The following NRG1 variants were observed in gnomAD, a reference collection of about 807,000 sequenced individuals.
NRG1 encodes pro-neuregulin-1, membrane-bound isoform.
A neutral mutation model predicts 63.8 loss-of-function variants in NRG1; 18 were observed. That is an observed-to-expected ratio of 0.28 (90% CI 0.19 to 0.42). The LOEUF is 0.42. Ranked by LOEUF, NRG1 falls within the 10% of genes least tolerant of loss-of-function variation. The probability of loss-of-function intolerance (pLI) is 1.00; values close to 1 mark genes in which losing one functional copy is unlikely to be tolerated. For missense variants in NRG1, 762 were observed against 814.7 expected (o/e 0.94, Z 0.79); for synonymous variants, 302 against 301.3 (o/e 1.00, Z -0.02).
At chr8:32,274,282 C>T (rs1481758) in intron 1 of NRG1, among the ~76,000 whole-genome samples, 29,567 of 152,120 alleles carry the variant, frequency 0.19, 3,607 homozygotes, top group East Asian at 0.57. Flanking sequence ...CCATTCAAAA[C>T]AATGCACGTG....
At chr8:32,416,949 G>A (rs1408521674) in intron 1 of NRG1, among the ~76,000 whole-genome samples, 1 of 152,198 alleles carries the variant, frequency 6.6e-6, no homozygotes, top group African/African-American at 2.4e-5. Flanking sequence ...GCCTCCCAAA[G>A]TGCTGAGATA....
intron 1 of NRG1, among the ~76,000 whole-genome samples, chr8:31,871,499 A>G (rs1361345309): frequency 2.0e-5 from 3 of 151,982 alleles, no homozygotes; most frequent in Admixed American, 1.3e-4. Context: ...GTGTTCTCTA[A>G]TTCCAGGGGT....
intron 5 of NRG1, among the ~76,000 whole-genome samples, chr8:32,634,869 T>G (rs1167387690): frequency 1.3e-5 from 2 of 152,240 alleles, no homozygotes; most frequent in Admixed American, 6.5e-5. Flanking sequence ...TCAGATGGTT[T>G]GAATCTTTGC....
intron 1 of NRG1, among the ~76,000 whole-genome samples, chr8:32,168,851 G>C (rs1276320716): frequency 6.6e-6 from 1 of 152,058 alleles, no homozygotes; most frequent in Non-Finnish European, 1.5e-5. Flanking sequence ...CATTGTAAAT[G>C]TCCTTATTTA....
chr8:31,967,983 G>A (rs994008343), intron 1 of NRG1, among the ~76,000 whole-genome samples: 6 of 152,252 alleles, frequency 3.9e-5, no homozygotes, highest in Admixed American at 2.6e-4. Flanking sequence ...TTTAATTTTA[G>A]TTGTTTCAAG....
At chr8:32,160,869 T>A (rs1692332145) in intron 1 of NRG1, among the ~76,000 whole-genome samples, 1 of 152,206 alleles carries the variant, frequency 6.6e-6, no homozygotes, top group African/African-American at 2.4e-5. Context: ...TTTCCTCTGG[T>A]AAGTGATTTC....
intron 1 of NRG1, among the ~76,000 whole-genome samples, chr8:31,901,967 T>G (rs41400247): frequency 0.022 from 3,318 of 152,256 alleles, 105 homozygotes; most frequent in African/African-American, 0.074. Flanking sequence ...TTCAACTTCG[T>G]GTAAAGTCTT....
At chr8:32,667,649 G>GA (rs1450764389) in intron 5 of NRG1, among the ~76,000 whole-genome samples, 70 of 152,240 alleles carry the variant, frequency 4.6e-4, no homozygotes, top group African/African-American at 1.6e-3. Context: ...GCTTGCTAGA[G>GA]AGATGTTTTT....
chr8:32,585,687 C>A (rs1841487562), intron 1 of NRG1, among the ~76,000 whole-genome samples: 1 of 140,446 alleles, frequency 7.1e-6, no homozygotes, highest in African/African-American at 2.6e-5. Context: ...GCAAGTATTG[C>A]CTTGTTTTAT....
intron 1 of NRG1, among the ~76,000 whole-genome samples, chr8:31,917,593 G>A (rs966652177): frequency 6.6e-6 from 1 of 152,096 alleles, no homozygotes; most frequent in African/African-American, 2.4e-5. Context: ...GTACCATGCT[G>A]TTTTGGTTAC....
intron 1 of NRG1, among the ~76,000 whole-genome samples, chr8:32,148,999 T>C (rs757527380): frequency 7.9e-5 from 12 of 152,174 alleles, no homozygotes; most frequent in Non-Finnish European, 1.8e-4. Context: ...TAATTAAGAA[T>C]GACTTTGACA....
intron 1 of NRG1, among the ~76,000 whole-genome samples, chr8:31,970,399 T>C (rs950819968): frequency 3.9e-5 from 6 of 152,136 alleles, no homozygotes; most frequent in Non-Finnish European, 7.4e-5. Flanking sequence ...TACAAATAAA[T>C]GGTTGATGGC....
chr8:32,660,663 C>T (rs1438363588), intron 5 of NRG1, among the ~76,000 whole-genome samples: 3 of 152,170 alleles, frequency 2.0e-5, no homozygotes, highest in Non-Finnish European at 2.9e-5. Flanking sequence ...GCCCTGTCTC[C>T]GGCTGTGTGA....
chr8:32,444,037 CCTTCCTTT>C (rs1463343404), intron 1 of NRG1, among the ~76,000 whole-genome samples: 1 of 150,954 alleles, frequency 6.6e-6, no homozygotes, highest in Non-Finnish European at 1.5e-5. Flanking sequence ...TTCCTTCCTT[CCTTCCTTT>C]CTTTTTCTTT....
At chr8:31,717,445 G>A (rs1284912938) in intron 1 of NRG1, among the ~76,000 whole-genome samples, 1 of 150,920 alleles carries the variant, frequency 6.6e-6, no homozygotes, top group Non-Finnish European at 1.5e-5. Context: ...ACAAAAAAAG[G>A]ATTGTGTTAA....
In NRG1 at chr8:32,015,049, C is replaced by T. The variant is rs184137131; in HGVS notation, c.37+375618C>T. On this transcript the variant is annotated intron_variant, in intron 1 of 10. Transcript: ENST00000519301. ...ACCCTGCCAACACCTTGATTTCAGA[C>T]TTCTGACCTCTAGAGCTGCAGGATG... is the stretch of plus-strand genomic sequence containing the variant. Among the ~76,000 whole-genome samples, 6 of 152,252 alleles carry T rather than the reference C, an allele frequency of 3.9e-5. No homozygotes were observed. In the East Asian group the frequency reaches 1.2e-3, roughly 29 times the overall value.
At chr8:32,763,761 A>G (rs1783756219) in exon 12 of NRG1, 1 of 1,554,564 alleles carries the variant, frequency 6.4e-7, no homozygotes, top group African/African-American at 1.4e-5. Flanking sequence ...TGTGTCAGCC[A>G]TGACCACCCC....
intron 1 of NRG1, among the ~76,000 whole-genome samples, chr8:31,999,681 C>T (rs895911743): frequency 6.6e-6 from 1 of 151,896 alleles, no homozygotes; most frequent in Non-Finnish European, 1.5e-5. Context: ...AAATATAAAG[C>T]ACTGAGTTAA....
chr8:31,904,829 G>A (rs1268414357), intron 1 of NRG1, among the ~76,000 whole-genome samples: 1 of 152,032 alleles, frequency 6.6e-6, no homozygotes, highest in Admixed American at 6.5e-5. Flanking sequence ...TAAACACTGA[G>A]TACACCTGGA....
Sources: allele counts gnomAD v4.1 joint callset (sites outside exome capture counted in the v4.1 genomes callset), GRCh38; gene constraint gnomAD v4.1.1; transcripts MANE v1.5; gene names NCBI Gene and HGNC (gene_info 2026-07-23, HGNC 2026-07-21).